MFHAS1: variants seen among roughly 807,000 people sequenced by gnomAD.
MFHAS1 encodes malignant fibrous histiocytoma-amplified sequence 1.
In MFHAS1, 50 loss-of-function variants were observed where a neutral mutation model predicts 70.4. The ratio of observed to expected loss-of-function variants is 0.71; its 90% CI spans 0.57 to 0.90. The LOEUF (loss-of-function observed/expected upper bound fraction) is 0.90, where lower values mean the gene tolerates loss of function less well. Ranked by LOEUF, MFHAS1 falls within the 40% of genes least tolerant of loss-of-function variation. The pLI is 0.00. For synonymous variants in MFHAS1, 952 were observed against 620.0 expected (o/e 1.54, Z -7.96); for missense variants, 1,795 against 1,347.6 (o/e 1.33, Z -5.20).
chr8:8,851,872 C>T (rs1195615488), intron 1 of MFHAS1, among the ~76,000 whole-genome samples: 3 of 152,160 alleles, frequency 2.0e-5, no homozygotes, highest in African/African-American at 4.8e-5. Flanking sequence ...ACTTGAAAAG[C>T]GATCACAGTG....
intron 1 of MFHAS1, among the ~76,000 whole-genome samples, chr8:8,848,199 G>A (rs1043701090): frequency 5.9e-5 from 9 of 152,240 alleles, no homozygotes; most frequent in African/African-American, 1.9e-4. Flanking sequence ...TGACACCACA[G>A]GGTTTGCAGT....
chr8:8,883,460 C>T (rs1809608449), intron 1 of MFHAS1, among the ~76,000 whole-genome samples: 1 of 151,472 alleles, frequency 6.6e-6, no homozygotes, highest in African/African-American at 2.4e-5. Context: ...GTAATCCCAG[C>T]ACTTTGGGCA....
chr8:8,807,278 T>C (rs1806329428), intron 1 of MFHAS1, among the ~76,000 whole-genome samples: 1 of 152,236 alleles, frequency 6.6e-6, no homozygotes, highest in Admixed American at 6.5e-5. Context: ...AAAAAAAGCC[T>C]GACGAATGTG....
chr8:8,792,458 T>A (rs1225022397), intron 2 of MFHAS1, among the ~76,000 whole-genome samples: 13 of 151,988 alleles, frequency 8.6e-5, no homozygotes, highest in Admixed American at 8.5e-4. Context: ...AATAAAAAAT[T>A]AGCTAGGTGC....
At chr8:8,832,052 G>GTGCACA (rs1554481377) in intron 1 of MFHAS1, among the ~76,000 whole-genome samples, 1 of 35,814 alleles carries the variant, frequency 2.8e-5, no homozygotes, top group South Asian at 9.7e-4. Context: ...ACATGCACGC[G>GTGCACA]CGCGCGCGCG....
rs543281990 is a variant in MFHAS1, at chr8:8,859,238, G to A, written c.2998+30823C>T. Among the ~76,000 whole-genome samples the A allele has an allele frequency of 1.4e-3, 216 of 152,298 alleles. 1 individual carries two copies. Among genetic ancestry groups the A allele is most frequent in the African/African-American group, 5.1e-3 (213 of 41,574 alleles). On this transcript the variant is annotated intron_variant, in intron 1 of 2. Transcript: ENST00000276282. The stretch of plus-strand genomic sequence containing the variant: ...ACACGCCTGTAGTCCCAGCCACCTG[G>A]GAGGCTGAGGCAGGAGAATCACTTG...
At chr8:8,849,235 C>G (rs1937031540) in intron 1 of MFHAS1, among the ~76,000 whole-genome samples, 1 of 151,990 alleles carries the variant, frequency 6.6e-6, no homozygotes, top group African/African-American at 2.4e-5. Flanking sequence ...CGTGAGCCAC[C>G]ATGCCCAGCT....
chr8:8,841,728 C>T (rs937952829), intron 1 of MFHAS1, among the ~76,000 whole-genome samples: 4 of 152,188 alleles, frequency 2.6e-5, no homozygotes, highest in African/African-American at 9.7e-5. Context: ...CTCTTCCCTG[C>T]TCCACGAAGC....
At chr8:8,834,889 A>T (rs967226538) in intron 1 of MFHAS1, among the ~76,000 whole-genome samples, 1 of 152,226 alleles carries the variant, frequency 6.6e-6, no homozygotes, top group Non-Finnish European at 1.5e-5. Flanking sequence ...TCTTGGAGGG[A>T]AACAGCAATA....
intron 1 of MFHAS1, among the ~76,000 whole-genome samples, chr8:8,813,980 C>T (rs1806643783): frequency 6.6e-6 from 1 of 151,262 alleles, no homozygotes; most frequent in Non-Finnish European, 1.5e-5. Flanking sequence ...GCTCTGTTGC[C>T]CATGCTGGAG....
intron 1 of MFHAS1, among the ~76,000 whole-genome samples, chr8:8,832,416 C>T (rs144724779): frequency 8.8e-6 from 1 of 113,974 alleles, no homozygotes; most frequent in East Asian, 2.4e-4. Context: ...AAAATTAGAA[C>T]AAGATACTTC....
chr8:8,834,823 C>T (rs562332796), intron 1 of MFHAS1, among the ~76,000 whole-genome samples: 1 of 152,174 alleles, frequency 6.6e-6, no homozygotes, highest in African/African-American at 2.4e-5. Flanking sequence ...CAACTGTGCA[C>T]GAAACCACCC....
intron 1 of MFHAS1, among the ~76,000 whole-genome samples, chr8:8,815,087 G>T (rs972180587): frequency 6.6e-6 from 1 of 152,068 alleles, no homozygotes; most frequent in Non-Finnish European, 1.5e-5. Context: ...TCATTGTTCA[G>T]CTCCCACTTA....
chr8:8,838,469 C>A (rs933516550), intron 1 of MFHAS1, among the ~76,000 whole-genome samples: 2 of 152,204 alleles, frequency 1.3e-5, no homozygotes, highest in Admixed American at 1.3e-4. Flanking sequence ...AGAAGCGAAG[C>A]TGTCCTTCTT....
At chr8:8,814,791 T>C (rs1414444476) in intron 1 of MFHAS1, among the ~76,000 whole-genome samples, 3 of 151,174 alleles carry the variant, frequency 2.0e-5, no homozygotes, top group Non-Finnish European at 2.9e-5. Context: ...ACGTGATGCA[T>C]ATTGGGGAGC....
chr8:8,832,598 T>A (rs1311915599), intron 1 of MFHAS1, among the ~76,000 whole-genome samples: 1 of 150,082 alleles, frequency 6.7e-6, no homozygotes. Context: ...CAAGTACTGA[T>A]GAACATGTGA....
chr8:8,856,980 GAAAAAAA>G (rs59496543), intron 1 of MFHAS1, among the ~76,000 whole-genome samples: 2 of 53,372 alleles, frequency 3.7e-5, no homozygotes. Flanking sequence ...TCAGGAAAGT[GAAAAAAA>G]AAAAAAAAAA....
chr8:8,865,899 T>C (rs954715210), intron 1 of MFHAS1, among the ~76,000 whole-genome samples: 3 of 152,358 alleles, frequency 2.0e-5, no homozygotes, highest in Middle Eastern at 6.8e-3. Context: ...GGGCAGGGAT[T>C]ACTGCAGCTA....
rs548278579 is a variant in MFHAS1 at position 8,852,028 on chromosome 8, A to G, written c.2998+38033T>C. Among the ~76,000 whole-genome samples, 7 of 152,300 alleles carry G rather than the reference A, an allele frequency of 4.6e-5. No individual in the cohort carries two copies. The South Asian group carries it at 1.5e-3, about 32-fold the overall frequency. On this transcript the variant is annotated intron_variant, in intron 1 of 2. Transcript: ENST00000276282. ...CGATGCCAAGCCCAGTTTTGGATAC[A>G]TAGGGAGTGGGTGGTGGAATGCCGG...
Sources: allele counts gnomAD v4.1 joint callset (sites outside exome capture counted in the v4.1 genomes callset), GRCh38; gene constraint gnomAD v4.1.1; transcripts MANE v1.5; gene names NCBI Gene and HGNC (gene_info 2026-07-23, HGNC 2026-07-21).